Variants in TEDC1 observed in about 807,000 individuals in gnomAD.
TEDC1 encodes tubulin epsilon and delta complex protein 1.
Under a neutral mutation model 59.9 loss-of-function variants are expected in TEDC1, and 54 were observed. The ratio of observed to expected loss-of-function variants is 0.90; its 90% CI spans 0.72 to 1.13. TEDC1 has a LOEUF of 1.13. TEDC1 is among the 50% of genes most tolerant of loss of function. TEDC1 has a pLI of 0.00. For missense variants in TEDC1, 734 were observed against 683.4 expected, an observed-to-expected ratio of 1.07 and a Z score of -0.83; for synonymous variants, 353 against 298.1, an observed-to-expected ratio of 1.18 and a Z score of -1.90.
chr14:105,497,733 C>T (rs782425376), intron 7 of TEDC1, 65 bp from the exon 8 acceptor site: 4 of 1,463,956 alleles, frequency 2.7e-6, no homozygotes, highest in Non-Finnish European at 3.6e-6. Flanking sequence ...TACCACTGCC[C>T]TCTTTGCCCT....
In TEDC1 at chr14:105,491,525, G is replaced by A; in HGVS notation, c.147+3G>A. ...CCAAGTTCGACCGTCCGGAGGCGGTGACGCTCTCGCGGAGGGCAGGCGGGC... is the reference window on the plus strand; with the variant it reads ...CCAAGTTCGACCGTCCGGAGGCGGTAACGCTCTCGCGGAGGGCAGGCGGGC... On this transcript the variant is annotated splice_donor_region_variant and intron_variant, in intron 1 of 8. Coordinates refer to ENST00000392523, the MANE Select transcript of TEDC1 (RefSeq NM_001367178.1). The A allele has an allele frequency of 6.6e-7, 1 of 1,521,054 alleles. No homozygotes were observed. The highest frequency in any genetic ancestry group is 8.8e-7 in the Non-Finnish European group (1 of 1,133,220). 94.2% of individuals were successfully genotyped at this position (1,521,054 alleles called of 1,614,324 possible). A position where few individuals can be genotyped will look rare whatever the true frequency, so the allele number is the denominator to read the frequency against.
Position 105,491,813 on chromosome 14 carries a change from A to G in TEDC1, c.226+113A>G, listed in dbSNP as rs1180270503. The G allele has an allele frequency of 6.5e-6, 8 of 1,228,368 alleles. No individual in the cohort carries two copies. In the Admixed American group the frequency reaches 8.6e-5, roughly 13 times the overall value. 76.1% of individuals were successfully genotyped at this position (1,228,368 alleles called of 1,614,324 possible). A position where few individuals can be genotyped will look rare whatever the true frequency, so the allele number is the denominator to read the frequency against. ...CGGCAGGCTCTAGCCCCCACCCAAC[A>G]CTGACCCCGCTTGCTCCTCAAAACT... On this transcript the variant is annotated intron_variant, in intron 2 of 8. Coordinates refer to ENST00000392523, the MANE Select transcript of TEDC1 (RefSeq NM_001367178.1).
At chr14:105,492,435 C>A (rs1486405573) in intron 3 of TEDC1, 126 bp downstream of exon 3, 17 of 1,483,552 alleles carry the variant, frequency 1.1e-5, no homozygotes, top group Non-Finnish European at 1.4e-5. Context: ...AAGGGTTACC[C>A]AGCTGCCCAG....
intron 7 of TEDC1, 32 bp downstream of exon 7, chr14:105,497,475 T>C: frequency 1.3e-6 from 2 of 1,537,758 alleles, no homozygotes; most frequent in Non-Finnish European, 1.7e-6. Context: ...TCTCCCGGCA[T>C]CCCTTCCCAC....
At chr14:105,497,777 G>A in intron 7 of TEDC1, 21 bp from the exon 8 acceptor site, 1 of 1,519,656 alleles carries the variant, frequency 6.6e-7, no homozygotes, top group Non-Finnish European at 8.9e-7. Flanking sequence ...GGTGCACGCT[G>A]TCTCACTTGG....
chr14:105,492,847 T>C, intron 4 of TEDC1, 113 bp downstream of exon 4: 1 of 1,370,990 alleles, frequency 7.3e-7, no homozygotes, highest in East Asian at 2.5e-5. Flanking sequence ...TGGCTGGATG[T>C]GGGCCTTCCT....
In TEDC1 at chr14:105,491,637, C is replaced by A. The variant is rs1555439331; in HGVS notation, c.163C>A (p.Gln55Lys). 1.9e-6 allele frequency: 3 copies of A among 1,549,716 alleles called. No individual in the cohort carries two copies. The highest frequency in any genetic ancestry group is 1.7e-6 in the Non-Finnish European group (2 of 1,146,830). ...DRPEATSALW[Q>K]LLFRVLSPLP... ...TTTTCCGCAGACCTCCGCGCTCTGG[C>A]AGCTCCTCTTCCGTGTGCTCTCGCC... is the stretch of plus-strand genomic sequence containing the variant. The change falls in exon 2 of 9, where the codon CAG becomes AAG. Residue 55 changes from glutamine to lysine, a missense_variant. Transcript: ENST00000392523.
rs1555440676 is a variant in TEDC1, at chr14:105,497,461, T to C, written c.978+18T>C. ...GGTGGATGGTGAGGAAGCCCGCGCA[T>C]CCCTCTCCCGGCATCCCTTCCCACA... On this transcript the variant is annotated intron_variant, in intron 7 of 8. Coordinates refer to ENST00000392523, the MANE Select transcript of TEDC1 (RefSeq NM_001367178.1). The C allele has an allele frequency of 6.5e-7, 1 of 1,541,254 alleles. No homozygotes were observed. The highest frequency in any genetic ancestry group is 8.7e-7 in the Non-Finnish European group (1 of 1,146,466).
At chr14:105,494,196 G>C in intron 5 of TEDC1, 1 of 549,566 alleles carries the variant, frequency 1.8e-6, no homozygotes, top group Non-Finnish European at 3.3e-6. Context: ...AGGAGCCTGG[G>C]CTGGGCAGGC....
Position 105,491,530 on chromosome 14 carries a change from T to G in TEDC1, c.147+8T>G, listed in dbSNP as rs2084208201. The G allele has an allele frequency of 6.6e-7, 1 of 1,523,752 alleles. No homozygotes were observed. Among genetic ancestry groups the G allele is most frequent in the Non-Finnish European group, 8.8e-7 (1 of 1,134,104 alleles). The allele number at this position is 1,523,752 out of a possible 1,614,324, so 94.4% of individuals were successfully genotyped here. A position where few individuals can be genotyped will look rare whatever the true frequency, so the allele number is the denominator to read the frequency against. ...TTCGACCGTCCGGAGGCGGTGACGCTCTCGCGGAGGGCAGGCGGGCCGGGT... is the reference window on the plus strand; with the variant it reads ...TTCGACCGTCCGGAGGCGGTGACGCGCTCGCGGAGGGCAGGCGGGCCGGGT... On this transcript the variant is annotated splice_region_variant and intron_variant, in intron 1 of 8. Transcript: ENST00000392523.
chr14:105,490,917 G>A, upstream of TEDC1: 1 of 1,032,170 alleles, frequency 9.7e-7, no homozygotes, highest in East Asian at 2.6e-5. Context: ...GCGAGGCGGG[G>A]TGTCGGGTGT....
chr14:105,493,968 G>A, intron 5 of TEDC1, 35 bp downstream of exon 5: 5 of 752,570 alleles, frequency 6.6e-6, no homozygotes, highest in Non-Finnish European at 1.1e-5. Context: ...GGGGGTGGGG[G>A]TGGGCTGGGG....
intron 5 of TEDC1, 59 bp from the exon 6 acceptor site, chr14:105,495,821 C>T: frequency 7.3e-7 from 1 of 1,376,070 alleles, no homozygotes; most frequent in Non-Finnish European, 9.9e-7. Flanking sequence ...CGCCCTCTCC[C>T]CGAAGCTGTG....
At chr14:105,492,463 C>G in intron 3 of TEDC1, 116 bp from the exon 4 acceptor site, 1 of 1,467,860 alleles carries the variant, frequency 6.8e-7, no homozygotes, top group Non-Finnish European at 9.1e-7. Context: ...CACGGAGGCT[C>G]CCTGTGCAGG....
At chr14:105,492,945 A>G (rs587620779) in intron 4 of TEDC1, among the ~76,000 whole-genome samples, 32 of 152,036 alleles carry the variant, frequency 2.1e-4, no homozygotes, top group African/African-American at 7.7e-4. Flanking sequence ...GGGGTGGGCA[A>G]TGGTGGGCAG....
At chr14:105,493,177 G>A (rs1555439835) in intron 4 of TEDC1, among the ~76,000 whole-genome samples, 2 of 152,058 alleles carry the variant, frequency 1.3e-5, no homozygotes, top group African/African-American at 4.8e-5. Context: ...GCAGGGGCTG[G>A]CTCAGGGGCA....
At chr14:105,495,740 G>C (rs2141801534) in intron 5 of TEDC1, 140 bp from the exon 6 acceptor site, 1 of 715,858 alleles carries the variant, frequency 1.4e-6, no homozygotes, top group East Asian at 2.7e-5. Flanking sequence ...CCTGGCCCCA[G>C]GCTGCTCCTG....
chr14:105,496,545 G>A, intron 6 of TEDC1: 1 of 195,012 alleles, frequency 5.1e-6, no homozygotes, highest in African/African-American at 2.4e-5. Flanking sequence ...GTAGAGTGGG[G>A]CAGGATTCAG....
At position 105,498,914 on chromosome 14, in the gene TEDC1, G is replaced by A. The variant is rs1039464393; in HGVS notation, c.1456G>A (p.Gly486Ser). Reference protein sequence around the residue: ...ELARLVGARPGLIWIPPPGR With the variant: ...ELARLVGARPSLIWIPPPGR ...GGCCAGGCTGGTGGGAGCCCGCCCT[G>A]GTCTCATCTGGATCCCGCCACCTGG... Residue 486 changes from glycine (G) to serine (S), a missense_variant, in exon 9 of 9, where the codon GGT becomes AGT. Transcript: ENST00000392523. 1 of 1,610,272 alleles carries A rather than the reference G, an allele frequency of 6.2e-7. No individual in the cohort carries two copies. The highest frequency in any genetic ancestry group is 8.5e-7 in the Non-Finnish European group (1 of 1,179,202).
Sources: gnomAD v4.1 joint callset for allele counts (sites outside exome capture counted in the v4.1 genomes callset) on GRCh38, gnomAD v4.1.1 for gene constraint, MANE v1.5 for transcripts, NCBI Gene and HGNC (gene_info 2026-07-23, HGNC 2026-07-21) for gene names.